The following ARFGEF1 variants were observed in gnomAD, a reference collection of about 807,000 sequenced individuals.
ARFGEF1 encodes ARF guanine nucleotide exchange factor 1, also known as brefeldin A-inhibited guanine nucleotide-exchange protein 1.
In ARFGEF1, 42 loss-of-function variants were observed where a neutral mutation model predicts 231.0. The ratio of observed to expected loss-of-function variants is 0.18; its 90% confidence interval spans 0.14 to 0.24. ARFGEF1 has a LOEUF of 0.24. ARFGEF1 is among the 10% of genes least tolerant of loss of function. ARFGEF1 has a pLI of 1.00. For missense variants in ARFGEF1, 1,345 were observed against 2,192.0 expected (o/e 0.61, Z 7.72); for synonymous variants, 710 against 732.3 (o/e 0.97, Z 0.49).
chr8:67,198,710 T>G lies in ARFGEF1; in HGVS notation c.*224A>C. Reference sequence around the variant, plus strand: ...ACCCGTGAGCATGAGCTGACACTGTTTAAACAGGCTTTCTGCTCAACATGA... The same window carrying G: ...ACCCGTGAGCATGAGCTGACACTGTGTAAACAGGCTTTCTGCTCAACATGA... On this transcript the variant is annotated 3_prime_UTR_variant, in exon 39 of 39. Transcript: ENST00000262215. 7.7e-7 allele frequency: 1 copy of G among 1,296,696 alleles called. No homozygotes were observed. 80.3% of individuals were successfully genotyped at this position (1,296,696 alleles called of 1,614,324 possible). A position where few individuals can be genotyped will look rare whatever the true frequency, so the allele number is the denominator to read the frequency against.
chr8:67,270,602 A>G (rs1021483303), intron 10 of ARFGEF1, among the ~76,000 whole-genome samples: 9 of 152,156 alleles, frequency 5.9e-5, no homozygotes, highest in Admixed American at 6.5e-5. Context: ...CCAAAACAAC[A>G]TTTCAACAAA....
At chr8:67,195,380 AGAT>A (rs772729206), downstream of ARFGEF1, 4 of 1,611,336 alleles carry the variant, frequency 2.5e-6, no homozygotes, top group Admixed American at 3.3e-5. Flanking sequence ...TGCCTCCTGT[AGAT>A]GATGAGAGTT....
chr8:67,250,701 TAAC>T (rs1368472950), intron 19 of ARFGEF1, among the ~76,000 whole-genome samples: 1 of 152,212 alleles, frequency 6.6e-6, no homozygotes, highest in African/African-American at 2.4e-5. Flanking sequence ...TTTTCAAACT[TAAC>T]TAGACACTAC....
chr8:67,211,679 C>T (rs1308964951), intron 33 of ARFGEF1, 64 bp from the exon 34 acceptor site: 1 of 1,027,656 alleles, frequency 9.7e-7, no homozygotes, highest in Non-Finnish European at 1.3e-6. Flanking sequence ...AAAATATTTT[C>T]TAAAACGCTA....
downstream of ARFGEF1, chr8:67,195,539 TC>T (rs759243151): frequency 6.2e-7 from 1 of 1,614,218 alleles, no homozygotes; most frequent in Non-Finnish European, 8.5e-7. Flanking sequence ...AGCAGCAGAT[TC>T]CTGGAAAACC....
At chr8:67,224,579 T>G (rs932430787) in intron 29 of ARFGEF1, among the ~76,000 whole-genome samples, 5 of 152,048 alleles carry the variant, frequency 3.3e-5, no homozygotes, top group African/African-American at 1.2e-4. Flanking sequence ...TAAAATAAAT[T>G]TTGCCACTAA....
At chr8:67,181,902 C>A (rs1833148621) in intron 5 of ARFGEF1, among the ~76,000 whole-genome samples, 1 of 152,204 alleles carries the variant, frequency 6.6e-6, no homozygotes, top group Non-Finnish European at 1.5e-5. Flanking sequence ...TCTAGGACCT[C>A]ATGTAAGTGG....
At chr8:67,314,568 G>A (rs891793820) in intron 1 of ARFGEF1, among the ~76,000 whole-genome samples, 2 of 152,174 alleles carry the variant, frequency 1.3e-5, no homozygotes, top group African/African-American at 4.8e-5. Flanking sequence ...GTGTTTGGGA[G>A]AGGAGGGTCT....
At position 67,201,618 on chromosome 8, in the gene ARFGEF1, G is replaced by A; in HGVS notation, c.5129-13C>T. 2 of 1,612,808 alleles carry A rather than the reference G, an allele frequency of 1.2e-6. No homozygotes were observed. Among genetic ancestry groups the A allele is most frequent in the Non-Finnish European group, 1.7e-6 (2 of 1,179,726 alleles). On this transcript the variant is annotated splice_polypyrimidine_tract_variant and intron_variant, in intron 36 of 38. Coordinates refer to ENST00000262215, the MANE Select transcript of ARFGEF1 (RefSeq NM_006421.5). Reference sequence around the variant, plus strand: ...TTGCCTTTGAATCCTGCAGAAAAGGGAAGTTTCTGGGATTAGTTTGGGAAG... The same window carrying A: ...TTGCCTTTGAATCCTGCAGAAAAGGAAAGTTTCTGGGATTAGTTTGGGAAG...
intron 1 of ARFGEF1, among the ~76,000 whole-genome samples, chr8:67,302,905 T>TAAAAAAAAA (rs1563902346): frequency 1.7e-4 from 17 of 100,248 alleles, no homozygotes; most frequent in African/African-American, 5.8e-4. Context: ...ACCCCATCTC[T>TAAAAAAAAA]TAAAAAAAAA....
rs201298227 is a variant in ARFGEF1 at position 67,232,834 on chromosome 8, G to A, written c.3380+21C>T. ...ACTGAAATAGTAATCATCTGAAAAG[G>A]GAATAAAATGAATACCTTACCTATC... On this transcript the variant is annotated intron_variant, in intron 23 of 38. Coordinates refer to ENST00000262215, the MANE Select transcript of ARFGEF1 (RefSeq NM_006421.5). The A allele has an allele frequency of 8.6e-5, 132 of 1,539,864 alleles. 2 individuals are homozygous for A. The African/African-American group carries it at 1.7e-3, about 19-fold the overall frequency.
chr8:67,195,608 G>A (rs753937898), downstream of ARFGEF1: 1 of 1,607,700 alleles, frequency 6.2e-7, no homozygotes, highest in African/African-American at 1.3e-5. Flanking sequence ...AACCTGTACT[G>A]GACCCAGTAG....
chr8:67,332,700 C>T (rs1471503739), intron 1 of ARFGEF1, among the ~76,000 whole-genome samples: 2 of 152,076 alleles, frequency 1.3e-5, no homozygotes, highest in East Asian at 3.9e-4. Flanking sequence ...CTACAGTTGC[C>T]CTTCTTTTCC....
At chr8:67,262,986 G>A (rs908182297) in intron 14 of ARFGEF1, among the ~76,000 whole-genome samples, 2 of 152,058 alleles carry the variant, frequency 1.3e-5, no homozygotes, top group Non-Finnish European at 2.9e-5. Context: ...AAGGTACTCC[G>A]AATATACATT....
At chr8:67,329,104 TA>T (rs1382909563) in intron 1 of ARFGEF1, among the ~76,000 whole-genome samples, 5 of 151,980 alleles carry the variant, frequency 3.3e-5, no homozygotes, top group African/African-American at 9.7e-5. Context: ...CATGTGCCTG[TA>T]ATCCCAGCTA....
At chr8:67,319,567 GAC>G (rs1286028377) in intron 1 of ARFGEF1, among the ~76,000 whole-genome samples, 2 of 149,644 alleles carry the variant, frequency 1.3e-5, no homozygotes, top group African/African-American at 4.9e-5. Context: ...TTAAATGGAT[GAC>G]AGATCTAAAT....
intron 4 of ARFGEF1, among the ~76,000 whole-genome samples, chr8:67,298,197 T>C (rs1266965167): frequency 6.6e-6 from 1 of 152,046 alleles, no homozygotes; most frequent in African/African-American, 2.4e-5. Flanking sequence ...TATTCACACA[T>C]GAAAGAACAC....
chr8:67,175,961 G>T (rs1831521182), intron 5 of ARFGEF1, among the ~76,000 whole-genome samples: 1 of 152,150 alleles, frequency 6.6e-6, no homozygotes, highest in African/African-American at 2.4e-5. Context: ...ATATCCAGGG[G>T]ATATGGTGAT....
intron 19 of ARFGEF1, 71 bp downstream of exon 19, chr8:67,251,228 A>G: frequency 7.2e-7 from 1 of 1,385,998 alleles, no homozygotes; most frequent in South Asian, 1.7e-5. Flanking sequence ...CGCTTCCTTA[A>G]CTTAAAAATA....
Sources: gnomAD v4.1 joint callset for allele counts (sites outside exome capture counted in the v4.1 genomes callset) on GRCh38, gnomAD v4.1.1 for gene constraint, MANE v1.5 for transcripts, NCBI Gene and HGNC (gene_info 2026-07-23, HGNC 2026-07-21) for gene names.